Variants in FGGY observed in about 807,000 individuals in gnomAD.
FGGY encodes FGGY carbohydrate kinase domain containing.
A neutral mutation model predicts 71.3 loss-of-function variants in FGGY; 72 were observed. The observed-to-expected ratio is 1.01, with a 90% CI of 0.84 to 1.23. The LOEUF (loss-of-function observed/expected upper bound fraction) is 1.23. Among genes scored for constraint, FGGY ranks in the 50% most tolerant of loss-of-function variants. The probability of loss-of-function intolerance (pLI) is 0.00; values close to 1 mark genes in which losing one functional copy is unlikely to be tolerated. For synonymous variants in FGGY, 251 were observed against 250.3 expected (o/e 1.00, Z -0.02); for missense variants, 668 against 682.3 (o/e 0.98, Z 0.23).
At chr1:59,502,100 C>T (rs1301822547) in intron 6 of FGGY, among the ~76,000 whole-genome samples, 1 of 152,106 alleles carries the variant, frequency 6.6e-6, no homozygotes, top group Non-Finnish European at 1.5e-5. Context: ...GGTGAGGAAA[C>T]CGTTGCAGGG....
intron 6 of FGGY, among the ~76,000 whole-genome samples, chr1:59,464,335 G>T (rs7546160): frequency 0.4 from 61,465 of 151,988 alleles, 12,611 homozygotes; most frequent in Middle Eastern, 0.5. Context: ...AAGACACAAC[G>T]TACCAGAATC....
intron 7 of FGGY, among the ~76,000 whole-genome samples, chr1:59,544,304 A>G (rs2095488994): frequency 6.6e-6 from 1 of 152,234 alleles, no homozygotes; most frequent in South Asian, 2.1e-4. Context: ...AAAATATGAT[A>G]GGGCAAGAAG....
At chr1:59,456,452 T>C (rs1185329534) in intron 5 of FGGY, among the ~76,000 whole-genome samples, 3 of 150,812 alleles carry the variant, frequency 2.0e-5, no homozygotes, top group African/African-American at 7.3e-5. Context: ...GAAACTTTTT[T>C]TTTTTTTTTT....
intron 8 of FGGY, among the ~76,000 whole-genome samples, chr1:59,576,834 G>A (rs2096087915): frequency 6.6e-6 from 1 of 151,972 alleles, no homozygotes; most frequent in African/African-American, 2.4e-5. Flanking sequence ...ATGGAGCTCT[G>A]TCACTATACT....
intron 9 of FGGY, among the ~76,000 whole-genome samples, chr1:59,612,346 A>G (rs1024494192): frequency 2.6e-5 from 4 of 152,244 alleles, no homozygotes; most frequent in African/African-American, 7.2e-5. Context: ...AATATTCAAC[A>G]TTCTTAAAGA....
chr1:59,600,257 C>T (rs765239870), intron 8 of FGGY, among the ~76,000 whole-genome samples: 9 of 152,036 alleles, frequency 5.9e-5, no homozygotes, highest in South Asian at 2.1e-4. Context: ...CAGATGAGAG[C>T]GATGAATGAT....
In FGGY at chr1:59,372,996, G is replaced by T. The variant is rs566132687; in HGVS notation, c.466-5753G>T. 8.5e-3 allele frequency among the ~76,000 whole-genome samples: 1,299 copies of T among 151,992 alleles called. 27 individuals carry two copies. The highest frequency in any genetic ancestry group is 0.031 in the African/African-American group (1,259 of 41,264). On this transcript the variant is annotated intron_variant, in intron 4 of 15. Transcript: ENST00000303721. ...CTGGAAGCATTCCATTTGAAAACTGGCACAAGACAGGGATGCCCTCTCTCA... is the reference window on the plus strand; with the variant it reads ...CTGGAAGCATTCCATTTGAAAACTGTCACAAGACAGGGATGCCCTCTCTCA...
chr1:59,397,134 G>A (rs2061420700), intron 5 of FGGY, among the ~76,000 whole-genome samples: 1 of 151,812 alleles, frequency 6.6e-6, no homozygotes, highest in African/African-American at 2.4e-5. Context: ...ATTGCTGAAA[G>A]TCAAGACCCA....
At chr1:59,731,901 C>T (rs946874769) in intron 14 of FGGY, among the ~76,000 whole-genome samples, 1 of 152,020 alleles carries the variant, frequency 6.6e-6, no homozygotes, top group Non-Finnish European at 1.5e-5. Context: ...GGTTTGAGGC[C>T]CCATCTTCCT....
intron 14 of FGGY, among the ~76,000 whole-genome samples, chr1:59,705,887 C>T (rs900331659): frequency 6.6e-6 from 1 of 152,222 alleles, no homozygotes; most frequent in African/African-American, 2.4e-5. Context: ...TATTGACTTC[C>T]ATCTCTTCTG....
intron 4 of FGGY, 106 bp downstream of exon 4, chr1:59,346,504 T>G: frequency 7.6e-7 from 1 of 1,321,234 alleles, no homozygotes; most frequent in Non-Finnish European, 1.0e-6. Flanking sequence ...ATGTTTGATT[T>G]TTCCCAGCAA....
intron 2 of FGGY, among the ~76,000 whole-genome samples, chr1:59,337,041 A>G (rs1027894057): frequency 4.7e-5 from 6 of 127,196 alleles, no homozygotes; most frequent in African/African-American, 1.2e-4. Flanking sequence ...ATTTATATGT[A>G]TATAGTCATA....
intron 14 of FGGY, among the ~76,000 whole-genome samples, chr1:59,713,075 A>G (rs2097810474): frequency 1.3e-5 from 2 of 152,158 alleles, no homozygotes; most frequent in African/African-American, 4.8e-5. Flanking sequence ...ACCCTAAATC[A>G]TCTCTCTCAA....
intron 5 of FGGY, among the ~76,000 whole-genome samples, chr1:59,403,375 G>C (rs1452951552): frequency 1.3e-5 from 2 of 152,126 alleles, no homozygotes; most frequent in African/African-American, 2.4e-5. Flanking sequence ...AAGTCCGGCT[G>C]TGTGCCCTGC....
chr1:59,338,268 G>A (rs1412608663), intron 2 of FGGY, among the ~76,000 whole-genome samples: 41 of 152,098 alleles, frequency 2.7e-4, no homozygotes, highest in Non-Finnish European at 1.3e-4. Context: ...TTTTTACTAT[G>A]TTCATGATAA....
rs377262211 is a variant in FGGY, at chr1:59,711,761, T to A, written c.1512+37628T>A. 2.6e-5 allele frequency among the ~76,000 whole-genome samples: 4 copies of A among 152,240 alleles called. No homozygotes were observed. The East Asian group carries it at 7.7e-4, about 29-fold the overall frequency. ...ATCTTGCGAGACCCATTCACTATCA[T>A]GAGAAGAGCACAGGAAAGACCCACC... On this transcript the variant is annotated intron_variant, in intron 14 of 15. Transcript: ENST00000303721.
intron 9 of FGGY, among the ~76,000 whole-genome samples, chr1:59,611,931 A>G (rs12561991): frequency 0.075 from 11,387 of 152,258 alleles, 539 homozygotes; most frequent in Middle Eastern, 0.15. Flanking sequence ...AAATGAAGCT[A>G]CAAGAGAAGT....
chr1:59,467,205 C>T (rs1313460498), intron 6 of FGGY, among the ~76,000 whole-genome samples: 1 of 152,052 alleles, frequency 6.6e-6, no homozygotes, highest in Non-Finnish European at 1.5e-5. Context: ...TTTGTAGGGA[C>T]ATGGATGAAG....
chr1:59,597,506 T>C (rs933559891), intron 8 of FGGY, among the ~76,000 whole-genome samples: 2 of 151,922 alleles, frequency 1.3e-5, no homozygotes, highest in African/African-American at 4.8e-5. Flanking sequence ...TCAAGTCTTT[T>C]AAAAAAAAGT....
Sources: allele counts gnomAD v4.1 joint callset (sites outside exome capture counted in the v4.1 genomes callset), GRCh38; gene constraint gnomAD v4.1.1; transcripts MANE v1.5; gene names NCBI Gene and HGNC (gene_info 2026-07-23, HGNC 2026-07-21).